Variants in CREBL2 observed in about 807,000 individuals in gnomAD.
CREBL2 encodes the protein cAMP-responsive element-binding protein-like 2.
CREBL2 carries 4 observed loss-of-function variants against 19.5 expected under a neutral mutation model. That is an observed-to-expected ratio of 0.20 (90% CI 0.10 to 0.47). CREBL2 has a LOEUF of 0.47. Ranked by LOEUF, CREBL2 falls within the 20% of genes least tolerant of loss-of-function variation. The probability of loss-of-function intolerance (pLI) is 0.98; values close to 1 mark genes in which losing one functional copy is unlikely to be tolerated. For missense variants in CREBL2, 85 were observed against 145.1 expected (o/e 0.59, Z 2.13); for synonymous variants, 42 against 46.6 (o/e 0.90, Z 0.40).
intron 1 of CREBL2, among the ~76,000 whole-genome samples, chr12:12,617,643 CTTTTTTTTTTTTTTTTTTTTTTTTTT>C (rs66943066): frequency 5.2e-5 from 2 of 38,716 alleles, no homozygotes; most frequent in South Asian, 1.3e-3. Flanking sequence ...TTTAGTAATT[CTTTTTTTTTTTTTTTTTTTTTTTTTT>C]TTTTTTTTTT....
At chr12:12,641,915 A>AT in intron 3 of CREBL2, 79 bp from the exon 4 acceptor site, 1 of 960,504 alleles carries the variant, frequency 1.0e-6, no homozygotes, top group Non-Finnish European at 1.5e-6. Context: ...GAAAAAAAAA[A>AT]TTTATGCATC....
Position 12,635,912 on chromosome 12 carries a change from T to G in CREBL2, c.151T>G (p.Leu51Val). 1 of 1,614,136 alleles carries G rather than the reference T, an allele frequency of 6.2e-7. No homozygotes were observed. Among genetic ancestry groups the G allele is most frequent in the Non-Finnish European group, 8.5e-7 (1 of 1,180,030 alleles). Reference protein sequence around the residue: ...RARKKLRYQYLEELVSSRERA... With the variant: ...RARKKLRYQYVEELVSSRERA... ...CCGAAAAAAGCTGAGATATCAGTAT[T>G]TGGAAGAGTTGGTATCCAGTCGAGA... is the stretch of plus-strand genomic sequence containing the variant. The change falls in exon 2 of 4, where the codon TTG (leucine) becomes GTG (valine). Residue 51 changes from leucine (L) to valine (V), a missense_variant. Transcript: ENST00000228865.
At chr12:12,636,566 C>G (rs939822052) in intron 2 of CREBL2, among the ~76,000 whole-genome samples, 3 of 152,050 alleles carry the variant, frequency 2.0e-5, no homozygotes, top group African/African-American at 7.2e-5. Context: ...ACTACAGGTG[C>G]CCATCACCAT....
intron 1 of CREBL2, among the ~76,000 whole-genome samples, chr12:12,621,763 G>A (rs1237067487): frequency 6.6e-6 from 1 of 152,184 alleles, no homozygotes; most frequent in Non-Finnish European, 1.5e-5. Context: ...TAGGGTCTGG[G>A]AATTTAAATT....
rs544757887 is a variant in CREBL2 at position 12,618,023 on chromosome 12, ATTC to A, written c.15+5842_15+5844del. 7.0e-3 allele frequency among the ~76,000 whole-genome samples: 1,068 copies of A among 152,308 alleles called. 14 individuals are homozygous for A. Among genetic ancestry groups the A allele is most frequent in the African/African-American group, 0.024 (997 of 41,558 alleles). On this transcript the variant is annotated intron_variant, in intron 1 of 3. Coordinates refer to ENST00000228865, the MANE Select transcript of CREBL2 (RefSeq NM_001310.4). ...ATTAACAGCATCCCAAGGCAGAAGAATTCTTCTTAGTACAGAACAAAATGGAGT... is the reference window on the plus strand; with the variant it reads ...ATTAACAGCATCCCAAGGCAGAAGAATTCTTAGTACAGAACAAAATGGAGT...
chr12:12,612,142 A>G lies in CREBL2; in HGVS notation c.-31A>G. ...GAGCCGGGGGAGGGCTCCGGGAGGG[A>G]GTGCCTGGCCAGGCCGGCCTGTCTG... On this transcript the variant is annotated 5_prime_UTR_variant, in exon 1 of 4. Transcript: ENST00000228865. The G allele has an allele frequency of 2.5e-6, 4 of 1,610,080 alleles. No homozygotes were observed. The highest frequency in any genetic ancestry group is 3.4e-6 in the Non-Finnish European group (4 of 1,179,614).
At chr12:12,637,416 T>A (rs1025060698) in intron 2 of CREBL2, among the ~76,000 whole-genome samples, 154 bp from the exon 3 acceptor site, 1 of 152,100 alleles carries the variant, frequency 6.6e-6, no homozygotes, top group Non-Finnish European at 1.5e-5. Context: ...GGTAATACCA[T>A]GGAGGGTGGG....
In CREBL2 at chr12:12,629,277, T is replaced by A. The variant is rs575062192; in HGVS notation, c.16-6500T>A. Reference sequence around the variant, plus strand: ...GGGCTGCCTTTCCATTTATCAGATCTTCTTTAATTTCTTTTAATGATATTT... The same window carrying A: ...GGGCTGCCTTTCCATTTATCAGATCATCTTTAATTTCTTTTAATGATATTT... On this transcript the variant is annotated intron_variant, in intron 1 of 3. Coordinates refer to ENST00000228865, the MANE Select transcript of CREBL2 (RefSeq NM_001310.4). Among the ~76,000 whole-genome samples, 6 of 152,292 alleles carry A rather than the reference T, an allele frequency of 3.9e-5. No homozygotes were observed. In the South Asian group the frequency reaches 1.2e-3, roughly 32 times the overall value.
At chr12:12,613,538 G>T (rs922150823) in intron 1 of CREBL2, among the ~76,000 whole-genome samples, 1 of 152,184 alleles carries the variant, frequency 6.6e-6, no homozygotes, top group Non-Finnish European at 1.5e-5. Flanking sequence ...TCCTCTTCAT[G>T]TAGAAGGCTG....
chr12:12,634,795 C>G (rs1308825738), intron 1 of CREBL2, among the ~76,000 whole-genome samples: 2 of 152,170 alleles, frequency 1.3e-5, no homozygotes, highest in African/African-American at 2.4e-5. Flanking sequence ...ATGGCTCACA[C>G]CTGTAATCCC....
intron 1 of CREBL2, among the ~76,000 whole-genome samples, chr12:12,618,610 C>T (rs1161262020): frequency 6.6e-6 from 1 of 152,238 alleles, no homozygotes; most frequent in African/African-American, 2.4e-5. Flanking sequence ...AGAGACGCTC[C>T]TCACTTCCCA....
intron 3 of CREBL2, among the ~76,000 whole-genome samples, chr12:12,638,592 A>C (rs1195610808): frequency 6.6e-6 from 1 of 152,068 alleles, no homozygotes; most frequent in Non-Finnish European, 1.5e-5. Context: ...TTTGTTAATA[A>C]TAATACCTTT....
At chr12:12,638,449 A>G (rs1443281744) in intron 3 of CREBL2, among the ~76,000 whole-genome samples, 1 of 152,184 alleles carries the variant, frequency 6.6e-6, no homozygotes, top group Non-Finnish European at 1.5e-5. Flanking sequence ...AAAAAAAGAA[A>G]AAGAGAAATG....
intron 1 of CREBL2, among the ~76,000 whole-genome samples, chr12:12,618,380 C>T (rs950584025): frequency 3.3e-5 from 5 of 151,962 alleles, no homozygotes; most frequent in Non-Finnish European, 7.4e-5. Flanking sequence ...AGACACTCCT[C>T]AGATCCCAGA....
At chr12:12,628,333 A>G (rs573106334) in intron 1 of CREBL2, among the ~76,000 whole-genome samples, 2 of 152,210 alleles carry the variant, frequency 1.3e-5, no homozygotes, top group Admixed American at 6.5e-5. Context: ...TGTCTATCCA[A>G]ATCCTTGCCC....
At position 12,644,163 on chromosome 12, in the gene CREBL2, TA is replaced by T. The variant is rs2136309700; in HGVS notation, c.*2168del. Reference sequence around the variant, plus strand: ...GAGGATGTATAATTTTGGGCGAAGTTAAATTACAATTTATTTGAGGTTATTC... The same window carrying T: ...GAGGATGTATAATTTTGGGCGAAGTTAATTACAATTTATTTGAGGTTATTC... On this transcript the variant is annotated 3_prime_UTR_variant, in exon 4 of 4. Transcript: ENST00000228865. The T allele has an allele frequency of 6.6e-6, 1 of 152,640 alleles. No homozygotes were observed. The highest frequency in any genetic ancestry group is 1.5e-5 in the Non-Finnish European group (1 of 68,036). 9.5% of individuals were successfully genotyped at this position (152,640 alleles called of 1,614,324 possible).
chr12:12,612,995 C>T (rs1440904406), intron 1 of CREBL2, among the ~76,000 whole-genome samples: 8 of 152,170 alleles, frequency 5.3e-5, no homozygotes, highest in Non-Finnish European at 2.9e-5. Context: ...CCTCAGCCTC[C>T]CGAGCAGCTG....
chr12:12,613,640 C>G (rs1476369632), intron 1 of CREBL2, among the ~76,000 whole-genome samples: 1 of 152,138 alleles, frequency 6.6e-6, no homozygotes, highest in African/African-American at 2.4e-5. Flanking sequence ...AGTAGTAAAC[C>G]CCTCTTAATA....
intron 3 of CREBL2, among the ~76,000 whole-genome samples, chr12:12,641,634 AT>A (rs1319913676): frequency 1.3e-5 from 2 of 152,044 alleles, no homozygotes; most frequent in African/African-American, 2.4e-5. Context: ...TGTTTTCAGT[AT>A]TTTTTACAAA....
Sources: allele counts gnomAD v4.1 joint callset (sites outside exome capture counted in the v4.1 genomes callset), GRCh38; gene constraint gnomAD v4.1.1; transcripts MANE v1.5; gene names NCBI Gene and HGNC (gene_info 2026-07-23, HGNC 2026-07-21).